SCN9A: variants seen among roughly 807,000 people sequenced by gnomAD.
SCN9A encodes sodium channel protein type 9 subunit alpha.
SCN9A carries 131 observed loss-of-function variants against 187.0 expected under a neutral mutation model. The ratio of observed to expected loss-of-function variants is 0.70; its 90% CI spans 0.61 to 0.81. The LOEUF (loss-of-function observed/expected upper bound fraction) is 0.81, where lower values mean the gene tolerates loss of function less well. SCN9A is among the 30% of genes least tolerant of loss of function. SCN9A has a pLI of 0.00. For synonymous variants in SCN9A, 809 were observed against 808.6 expected (o/e 1.00, Z -0.01); for missense variants, 2,252 against 2,396.6 (o/e 0.94, Z 1.26).
At chr2:166,337,365 C>T (rs947418468) in intron 1 of SCN9A, among the ~76,000 whole-genome samples, 2 of 151,946 alleles carry the variant, frequency 1.3e-5, no homozygotes, top group African/African-American at 4.8e-5. Context: ...CTGGGAGACA[C>T]AAAGTAGACA....
At chr2:166,342,729 A>G (rs571112937) in intron 1 of SCN9A, among the ~76,000 whole-genome samples, 55 of 152,250 alleles carry the variant, frequency 3.6e-4, no homozygotes, top group African/African-American at 1.3e-3. Flanking sequence ...AATTGAAACT[A>G]TTTTTTATTT....
At chr2:166,232,469 T>G (rs565820987) in intron 21 of SCN9A, among the ~76,000 whole-genome samples, 1 of 152,196 alleles carries the variant, frequency 6.6e-6, no homozygotes, top group African/African-American at 2.4e-5. Context: ...TCTTTTCTAA[T>G]GCTCCTTACC....
chr2:166,205,109 C>T (rs1055669055), intron 24 of SCN9A: 4 of 152,046 alleles, frequency 2.6e-5, no homozygotes, highest in African/African-American at 9.7e-5. Flanking sequence ...AAATTCAATG[C>T]TATCCCCATC....
At position 166,199,806 on chromosome 2, in the gene SCN9A, C is replaced by T. The variant is rs567322169; in HGVS notation, c.4833G>A (p.Val1611=). 2 of 1,613,912 alleles carry T rather than the reference C, an allele frequency of 1.2e-6. No individual in the cohort carries two copies. Among genetic ancestry groups the T allele is most frequent in the Admixed American group, 1.7e-5 (1 of 59,984 alleles). The change falls in exon 27 of 27, where the codon GTG becomes GTA. Residue 1611 remains valine (V), a synonymous_variant. Transcript: ENST00000642356. ...TTCGGCCAATCCTGGCAAGACGGATCACTCGGAACAGGGTAGGGGACACAA... is the reference window on the plus strand; with the variant it reads ...TTCGGCCAATCCTGGCAAGACGGATTACTCGGAACAGGGTAGGGGACACAA... The part of the protein sequence containing the change: ...TYFVSPTLFR[V]IRLARIGRIL...
chr2:166,233,798 C>T (rs1357305083), intron 20 of SCN9A, among the ~76,000 whole-genome samples: 3 of 152,072 alleles, frequency 2.0e-5, no homozygotes, highest in Admixed American at 2.0e-4. Flanking sequence ...CAATGGTGAA[C>T]ATTTTAATTA....
chr2:166,270,615 A>T lies in SCN9A; in HGVS notation c.3351+1784T>A, dbSNP rs1053180411. Among the ~76,000 whole-genome samples the T allele has an allele frequency of 7.9e-5, 12 of 151,894 alleles. No homozygotes were observed. In the East Asian group the frequency reaches 1.2e-3, roughly 15 times the overall value. On this transcript the variant is annotated intron_variant, in intron 17 of 26. Coordinates refer to ENST00000642356, the MANE Select transcript of SCN9A (RefSeq NM_001365536.1). ...TAATTTAATTTAATCTTATGTATTT[A>T]ATTTAATCTTATGTATTGATTTTTT...
chr2:166,316,295 C>T (rs1033331070), intron 1 of SCN9A, among the ~76,000 whole-genome samples: 1 of 152,068 alleles, frequency 6.6e-6, no homozygotes, highest in Non-Finnish European at 1.5e-5. Flanking sequence ...ACATGGGGAA[C>T]CAAATTTGGC....
chr2:166,266,376 T>C (rs1276647329), intron 17 of SCN9A, among the ~76,000 whole-genome samples: 3 of 151,978 alleles, frequency 2.0e-5, no homozygotes, highest in Non-Finnish European at 4.4e-5. Context: ...TGACTGTATA[T>C]GTGTAGATTT....
chr2:166,300,200 C>T (rs1698493553), intron 7 of SCN9A, among the ~76,000 whole-genome samples: 1 of 150,852 alleles, frequency 6.6e-6, no homozygotes, highest in African/African-American at 2.5e-5. Flanking sequence ...AAATGTCCTG[C>T]ATGATATGAC....
At chr2:166,204,648 A>G (rs1574707472) in intron 24 of SCN9A, 184 bp from the exon 25 acceptor site, 2 of 376,258 alleles carry the variant, frequency 5.3e-6, no homozygotes, top group East Asian at 8.4e-5. Flanking sequence ...ATGGGTCTCC[A>G]AACACAGTTA....
chr2:166,261,242 G>A (rs1026518369), intron 17 of SCN9A, among the ~76,000 whole-genome samples: 2 of 151,876 alleles, frequency 1.3e-5, no homozygotes, highest in East Asian at 1.9e-4. Context: ...CTTACCAAGA[G>A]AATCCAGATT....
intron 26 of SCN9A, among the ~76,000 whole-genome samples, chr2:166,201,496 T>C (rs60260725): frequency 9.9e-6 from 1 of 101,020 alleles, no homozygotes; most frequent in Non-Finnish European, 2.0e-5. Context: ...ATATATATAG[T>C]ATAGAGTATG....
In SCN9A at chr2:166,199,673, A is replaced by T. The variant is rs368487219; in HGVS notation, c.4966T>A (p.Phe1656Ile). The change falls in exon 27 of 27, where the codon TTC (phenylalanine) becomes ATC (isoleucine). Residue 1656 changes from phenylalanine to isoleucine, a missense_variant. This residue lies in a region of SCN9A where 84 missense variants were observed against 134.2 expected (regional missense o/e 0.63). Coordinates refer to ENST00000642356, the MANE Select transcript of SCN9A (RefSeq NM_001365536.1). ...GACATTCCAAAGATGGCGTAGATGA[A>T]CATGACCAGGAAGAGCAGGAGGCCG... is the stretch of plus-strand genomic sequence containing the variant. Reference protein sequence around the residue: ...NIGLLLFLVMFIYAIFGMSNF... With the variant: ...NIGLLLFLVMIIYAIFGMSNF... 6.2e-7 allele frequency: 1 copy of T among 1,614,186 alleles called. No homozygotes were observed. The highest frequency in any genetic ancestry group is 1.1e-5 in the South Asian group (1 of 91,084).
rs1559050808 is a variant in SCN9A, at chr2:166,340,540, C to CTT, written c.-50-28735_-50-28734insAA. ...CTTCCCTCTCTCCTTTCTTTTCTTT[C>CTT]CCTTTCTTTCTTTCTTTCTTTCTTT... On this transcript the variant is annotated intron_variant, in intron 1 of 26. Transcript: ENST00000642356. 6.6e-4 allele frequency among the ~76,000 whole-genome samples: 73 copies of CTT among 111,256 alleles called. 3 individuals carry two copies. The highest frequency in any genetic ancestry group is 2.1e-3 in the African/African-American group (59 of 27,730). 73.0% of individuals were successfully genotyped at this position (111,256 alleles called of 152,430 possible). A position where few individuals can be genotyped will look rare whatever the true frequency, so the allele number is the denominator to read the frequency against.
At chr2:166,333,918 T>C (rs1018364680) in intron 1 of SCN9A, among the ~76,000 whole-genome samples, 2 of 152,106 alleles carry the variant, frequency 1.3e-5, no homozygotes, top group African/African-American at 4.8e-5. Flanking sequence ...ATACAAGGGA[T>C]AAACTTTTCA....
chr2:166,303,975 TTA>T, intron 6 of SCN9A: 1 of 1,509,754 alleles, frequency 6.6e-7, no homozygotes, highest in Non-Finnish European at 9.1e-7. Flanking sequence ...AAGGTTTTTT[TTA>T]TGTCTTTCTT....
At chr2:166,281,030 T>C (rs1348951217) in intron 13 of SCN9A, among the ~76,000 whole-genome samples, 2 of 152,154 alleles carry the variant, frequency 1.3e-5, no homozygotes, top group Non-Finnish European at 2.9e-5. Context: ...GTGAAAACAA[T>C]CCTAGAACCA....
chr2:166,355,084 T>C (rs1700120834), intron 1 of SCN9A, among the ~76,000 whole-genome samples: 1 of 150,014 alleles, frequency 6.7e-6, no homozygotes, highest in African/African-American at 2.5e-5. Flanking sequence ...ACTACAGGTG[T>C]GCACCACTAT....
chr2:166,310,673 G>C (rs1698912766), intron 2 of SCN9A, among the ~76,000 whole-genome samples: 1 of 136,678 alleles, frequency 7.3e-6, no homozygotes, highest in African/African-American at 3.0e-5. Context: ...TTCAACCATT[G>C]TGGAAGTCAG....
Sources: gnomAD v4.1 joint callset for allele counts (sites outside exome capture counted in the v4.1 genomes callset) on GRCh38, gnomAD v4.1.1 for gene constraint, gnomAD v4.1.1 regional missense constraint, MANE v1.5 for transcripts, NCBI Gene and HGNC (gene_info 2026-07-23, HGNC 2026-07-21) for gene names.